Variants in GANC observed in about 807,000 individuals in gnomAD.
GANC encodes glucosidase alpha, neutral C, also known as neutral alpha-glucosidase C.
In GANC, 117 loss-of-function variants were observed where a neutral mutation model predicts 124.2. The ratio of observed to expected loss-of-function variants is 0.94; its 90% CI spans 0.81 to 1.10. The LOEUF (loss-of-function observed/expected upper bound fraction) is 1.10, where lower values mean the gene tolerates loss of function less well. Among genes scored for constraint, GANC ranks in the 50% least tolerant of loss-of-function variants. GANC has a pLI of 0.00. For missense variants in GANC, 1,140 were observed against 1,095.0 expected, an observed-to-expected ratio of 1.04 and a Z score of -0.58; for synonymous variants, 377 against 376.8, an observed-to-expected ratio of 1.00 and a Z score of -0.01.
chr15:42,307,984 C>T (rs2052014398), intron 7 of GANC, among the ~76,000 whole-genome samples: 1 of 152,218 alleles, frequency 6.6e-6, no homozygotes. Flanking sequence ...CTTCATCACA[C>T]AGCTAAGGCA....
At chr15:42,349,322 A>G (rs2052398691) in intron 21 of GANC, 61 bp from the exon 22 acceptor site, 1 of 1,044,920 alleles carries the variant, frequency 9.6e-7, no homozygotes, top group Admixed American at 1.8e-5. Flanking sequence ...TTAGGAGCTG[A>G]CATTCTTTTC....
At chr15:42,330,173 G>C (rs1212961950) in intron 14 of GANC, among the ~76,000 whole-genome samples, 2 of 152,160 alleles carry the variant, frequency 1.3e-5, no homozygotes, top group East Asian at 3.8e-4. Context: ...ACTGTAGACT[G>C]CTTTAGTTAG....
In GANC at chr15:42,322,040, C is replaced by T. The variant is rs560776230; in HGVS notation, c.1293+20C>T. ...CGTAAGGTAAAATAAGCCAACATTT[C>T]TGAACCTTTTAATTACAGAGTTTTA... On this transcript the variant is annotated intron_variant, in intron 11 of 23. Coordinates refer to ENST00000318010, the MANE Select transcript of GANC (RefSeq NM_198141.3). The T allele has an allele frequency of 6.0e-5, 94 of 1,577,816 alleles. No homozygotes were observed. In the South Asian group the frequency reaches 9.2e-4, roughly 15 times the overall value.
chr15:42,301,919 G>T (rs2141036074), intron 6 of GANC, among the ~76,000 whole-genome samples: 1 of 152,312 alleles, frequency 6.6e-6, no homozygotes, highest in African/African-American at 2.4e-5. Context: ...ACAACTGTGG[G>T]TGCAGCTTCA....
intron 15 of GANC, among the ~76,000 whole-genome samples, chr15:42,336,686 G>A (rs1024332410): frequency 6.6e-6 from 1 of 152,134 alleles, no homozygotes; most frequent in Non-Finnish European, 1.5e-5. Flanking sequence ...TGTCAATAGA[G>A]TTAATAGACA....
Position 42,287,706 on chromosome 15 carries a change from G to T in GANC, c.217G>T (p.Glu73Ter). The T allele has an allele frequency of 6.2e-7, 1 of 1,611,554 alleles. No individual in the cohort carries two copies. Among genetic ancestry groups the T allele is most frequent in the Non-Finnish European group, 8.5e-7 (1 of 1,179,052 alleles). ...NEASKVPLLA[E>*]IYGIEGNIFR... ...CTGTTTCCAGGTTCCTCTCCTGGCT[G>T]AAATTTATGGTATAGAAGGAAACAT... Residue 73 changes from glutamate (E) to a stop codon, truncating the protein, a stop_gained, in exon 4 of 24, where the codon GAA (glutamate) becomes TAA (stop). Coordinates refer to ENST00000318010, the MANE Select transcript of GANC (RefSeq NM_198141.3). LOFTEE classifies it high-confidence loss of function.
chr15:42,329,976 A>G (rs944628752), intron 14 of GANC, among the ~76,000 whole-genome samples: 4 of 152,238 alleles, frequency 2.6e-5, no homozygotes, highest in Admixed American at 6.5e-5. Flanking sequence ...TCATTTGCCA[A>G]CTACATCCAA....
At chr15:42,292,165 G>A (rs2051846800) in intron 4 of GANC, among the ~76,000 whole-genome samples, 1 of 152,070 alleles carries the variant, frequency 6.6e-6, no homozygotes, top group East Asian at 1.9e-4. Context: ...TGGGAATCAG[G>A]CAATAAATAG....
chr15:42,324,703 CAAAT>C (rs1409745843), intron 11 of GANC, among the ~76,000 whole-genome samples: 1 of 152,142 alleles, frequency 6.6e-6, no homozygotes, highest in African/African-American at 2.4e-5. Flanking sequence ...TACAAAAAGA[CAAAT>C]ACCGTGTGAT....
In GANC at chr15:42,339,925, C is replaced by T; in HGVS notation, c.2087+13C>T. The T allele has an allele frequency of 1.2e-6, 2 of 1,608,320 alleles. No individual in the cohort carries two copies. Among genetic ancestry groups the T allele is most frequent in the South Asian group, 1.1e-5 (1 of 90,802 alleles). ...AACCTGTCATGAGGTAAAAAAGCTTCATCCATTCAGGGACCCCAGCAACCA... is the reference window on the plus strand; with the variant it reads ...AACCTGTCATGAGGTAAAAAAGCTTTATCCATTCAGGGACCCCAGCAACCA... On this transcript the variant is annotated intron_variant, in intron 17 of 23. Transcript: ENST00000318010.
chr15:42,280,929 G>A (rs1365585324), intron 3 of GANC: 1 of 702,280 alleles, frequency 1.4e-6, no homozygotes, highest in Non-Finnish European at 2.6e-6. Flanking sequence ...CAGGTGCCAG[G>A]ACCAGAGCCC....
At chr15:42,329,474 C>T in intron 14 of GANC, 25 bp downstream of exon 14, 3 of 1,594,530 alleles carry the variant, frequency 1.9e-6, no homozygotes, top group South Asian at 1.1e-5. Flanking sequence ...AAGAATTAAA[C>T]TGGGCTTGTG....
intron 11 of GANC, among the ~76,000 whole-genome samples, chr15:42,322,774 C>A (rs1678992): frequency 0.81 from 122,605 of 151,996 alleles, 52,068 homozygotes; most frequent in Non-Finnish European, 0.94. Flanking sequence ...GAGAGAAGCC[C>A]CTGGAACATG....
Position 42,314,181 on chromosome 15 carries a change from A to G in GANC, c.1057+3335A>G. The G allele has an allele frequency of 3.9e-6, 3 of 761,036 alleles. No individual in the cohort carries two copies. In the East Asian group the frequency reaches 7.3e-5, roughly 19 times the overall value. The allele number at this position is 761,036 out of a possible 1,614,324, so 47.1% of individuals were successfully genotyped here. A position where few individuals can be genotyped will look rare whatever the true frequency, so the allele number is the denominator to read the frequency against. On this transcript the variant is annotated intron_variant, in intron 10 of 23. Transcript: ENST00000318010. ...ATTCAGATTGGATATGGGATTGGAC[A>G]AGTTGGCCAGAAAATATTCCCCACA...
chr15:42,325,681 C>T (rs754065418), intron 11 of GANC, among the ~76,000 whole-genome samples: 1 of 152,204 alleles, frequency 6.6e-6, no homozygotes, highest in Non-Finnish European at 1.5e-5. Context: ...CAGATAGACA[C>T]TTAATGCTAT....
At chr15:42,322,404 C>A (rs181707965) in intron 11 of GANC, among the ~76,000 whole-genome samples, 1 of 152,202 alleles carries the variant, frequency 6.6e-6, no homozygotes, top group Admixed American at 6.5e-5. Context: ...CTGGGGAGAG[C>A]AGGGGTGGCT....
chr15:42,295,002 C>T (rs1463766489), intron 5 of GANC, among the ~76,000 whole-genome samples: 2 of 133,580 alleles, frequency 1.5e-5, no homozygotes, highest in Non-Finnish European at 1.6e-5. Flanking sequence ...GATGGAGTCT[C>T]GCTCTGTCAC....
At chr15:42,339,163 C>T (rs1211364370) in intron 16 of GANC, among the ~76,000 whole-genome samples, 1 of 151,956 alleles carries the variant, frequency 6.6e-6, no homozygotes, top group Non-Finnish European at 1.5e-5. Flanking sequence ...TATGTATATA[C>T]CACTCAGTGG....
At chr15:42,344,866 TCA>T (rs1422200655) in intron 19 of GANC, 1 of 152,236 alleles carries the variant, frequency 6.6e-6, no homozygotes, top group Non-Finnish European at 1.5e-5. Flanking sequence ...TCCGACTTAG[TCA>T]CAGAGTTTTA....
Sources: allele counts gnomAD v4.1 joint callset (sites outside exome capture counted in the v4.1 genomes callset), GRCh38; gene constraint gnomAD v4.1.1; transcripts MANE v1.5; gene names NCBI Gene and HGNC (gene_info 2026-07-23, HGNC 2026-07-21).